Variants in CCDC39 observed in about 807,000 individuals in gnomAD.
CCDC39 encodes the protein coiled-coil domain-containing protein 39.
Under a neutral mutation model 121.0 loss-of-function variants are expected in CCDC39, and 113 were observed. The ratio of observed to expected loss-of-function variants is 0.93; its 90% CI spans 0.80 to 1.09. The LOEUF is 1.09. Among genes scored for constraint, CCDC39 ranks in the 50% least tolerant of loss-of-function variants. The pLI is 0.00. For synonymous variants in CCDC39, 349 were observed against 352.2 expected (o/e 0.99, Z 0.10); for missense variants, 1,063 against 1,074.7 (o/e 0.99, Z 0.15).
intron 12 of CCDC39, among the ~76,000 whole-genome samples, chr3:180,643,852 G>A (rs1011446146): frequency 6.6e-6 from 1 of 152,102 alleles, no homozygotes; most frequent in Non-Finnish European, 1.5e-5. Context: ...TCATGCAATG[G>A]ACTTATAGAA....
At chr3:180,672,902 A>T (rs953697201) in intron 1 of CCDC39, among the ~76,000 whole-genome samples, 7 of 152,244 alleles carry the variant, frequency 4.6e-5, no homozygotes, top group African/African-American at 1.7e-4. Context: ...AAATATTGGT[A>T]TTAATAGGAG....
At chr3:180,658,601 A>G (rs1711647972) in intron 6 of CCDC39, among the ~76,000 whole-genome samples, 1 of 152,102 alleles carries the variant, frequency 6.6e-6, no homozygotes, top group Non-Finnish European at 1.5e-5. Context: ...CGTCTCAAAA[A>G]AAAAAAAGAG....
intron 1 of CCDC39, among the ~76,000 whole-genome samples, chr3:180,665,128 C>G (rs1576951807): frequency 6.6e-6 from 1 of 152,256 alleles, no homozygotes; most frequent in South Asian, 2.1e-4. Flanking sequence ...CCAAGAACTC[C>G]TTTTCAAACC....
At chr3:180,677,055 T>C (rs2108437350) in intron 1 of CCDC39, among the ~76,000 whole-genome samples, 1 of 148,394 alleles carries the variant, frequency 6.7e-6, no homozygotes, top group East Asian at 2.0e-4. Context: ...AAATGATGAG[T>C]TAATGGGTGC....
intron 14 of CCDC39, among the ~76,000 whole-genome samples, chr3:180,629,757 G>A (rs901709445): frequency 6.6e-6 from 1 of 152,158 alleles, no homozygotes; most frequent in East Asian, 1.9e-4. Flanking sequence ...AGAGAAGATG[G>A]AAGATAAGAA....
chr3:180,623,884 T>A (rs746174486), intron 14 of CCDC39, among the ~76,000 whole-genome samples: 8 of 152,048 alleles, frequency 5.3e-5, no homozygotes, highest in African/African-American at 7.2e-5. Flanking sequence ...CATGTGCTTA[T>A]GAAAAGAAGG....
At position 180,619,255 on chromosome 3, in the gene CCDC39, T is replaced by C. The variant is rs1279510920; in HGVS notation, c.2265+4A>G. On this transcript the variant is annotated splice_donor_region_variant and intron_variant, in intron 16 of 19. Transcript: ENST00000476379. The stretch of plus-strand genomic sequence containing the variant: ...ATATTACTAAAAATGCCTGTAGAAT[T>C]TACCTGGATGTCTTCTTGAAGTTCT... 3.5e-6 allele frequency: 5 copies of C among 1,442,174 alleles called. No individual in the cohort carries two copies. Among genetic ancestry groups the C allele is most frequent in the Non-Finnish European group, 4.8e-6 (5 of 1,048,210 alleles). 89.3% of individuals were successfully genotyped at this position (1,442,174 alleles called of 1,614,324 possible).
chr3:180,654,750 G>C lies in CCDC39; in HGVS notation c.930+12C>G, dbSNP rs1401333. 2.0e-3 allele frequency: 3,107 copies of C among 1,575,212 alleles called. 114 individuals carry two copies. The Admixed American group carries it at 0.052, about 26-fold the overall frequency. ...GTGAACATACAAGCCAGTCTTTTTT[G>C]AGTTGACATACCTCACCCTTCAGCT... On this transcript the variant is annotated intron_variant, in intron 7 of 19. Transcript: ENST00000476379.
At chr3:180,641,927 G>T (rs554074290) in intron 13 of CCDC39, 66 bp downstream of exon 13, 2 of 1,130,020 alleles carry the variant, frequency 1.8e-6, no homozygotes, top group South Asian at 3.5e-5. Context: ...GTTAGAGGGG[G>T]CAGCTAGTTC....
intron 6 of CCDC39, among the ~76,000 whole-genome samples, chr3:180,658,883 A>G (rs1209167794): frequency 6.6e-6 from 1 of 152,000 alleles, no homozygotes; most frequent in Non-Finnish European, 1.5e-5. Flanking sequence ...ATTCCCCATT[A>G]TTTCATTCCT....
At chr3:180,670,574 A>G (rs1384370527) in intron 1 of CCDC39, among the ~76,000 whole-genome samples, 2 of 150,586 alleles carry the variant, frequency 1.3e-5, no homozygotes, top group Non-Finnish European at 3.0e-5. Context: ...TTATTCATTT[A>G]CTCTAATTCC....
intron 13 of CCDC39, among the ~76,000 whole-genome samples, chr3:180,634,820 T>C (rs1246052219): frequency 6.6e-6 from 1 of 152,074 alleles, no homozygotes; most frequent in Non-Finnish European, 1.5e-5. Flanking sequence ...CTTCCTAACA[T>C]ATACCCCTGT....
At chr3:180,647,286 A>G in intron 10 of CCDC39, 43 bp from the exon 11 acceptor site, 1 of 1,487,046 alleles carries the variant, frequency 6.7e-7, no homozygotes, top group Non-Finnish European at 9.0e-7. Flanking sequence ...AAGAAAAAAA[A>G]AGCATTTCTA....
At chr3:180,656,731 C>T (rs1047335053) in intron 6 of CCDC39, among the ~76,000 whole-genome samples, 1 of 152,122 alleles carries the variant, frequency 6.6e-6, no homozygotes, top group African/African-American at 2.4e-5. Flanking sequence ...GCTAAAACCC[C>T]CCCTGACCAA....
chr3:180,631,523 A>G lies in CCDC39; in HGVS notation c.1944T>C (p.Val648=). Residue 648 remains valine, a synonymous_variant, in exon 14 of 20, where the codon GTT becomes GTC. Coordinates refer to ENST00000476379, the MANE Select transcript of CCDC39 (RefSeq NM_181426.2). ...LKNRYEILTV[V]MLPPEGEEEK... The stretch of plus-strand genomic sequence containing the variant: ...CCTCTTCTCCTTCAGGAGGCAGCAT[A>G]ACAACAGTCAGAATTTCATATCTAT... The G allele has an allele frequency of 6.2e-7, 1 of 1,608,896 alleles. No individual in the cohort carries two copies. Among genetic ancestry groups the G allele is most frequent in the South Asian group, 1.1e-5 (1 of 91,014 alleles).
intron 1 of CCDC39, among the ~76,000 whole-genome samples, chr3:180,676,819 T>C (rs905980179): frequency 2.2e-5 from 3 of 135,882 alleles, no homozygotes; most frequent in Non-Finnish European, 4.8e-5. Context: ...CCATAAAAAA[T>C]GATGAGTTCA....
chr3:180,652,394 T>C, intron 7 of CCDC39, 128 bp from the exon 8 acceptor site: 1 of 510,168 alleles, frequency 2.0e-6, no homozygotes, highest in Non-Finnish European at 3.4e-6. Context: ...AGTAGCCATT[T>C]TTTTATATTT....
At chr3:180,647,814 T>C (rs6781834) in intron 10 of CCDC39, among the ~76,000 whole-genome samples, 2,999 of 151,292 alleles carry the variant, frequency 0.02, 101 homozygotes, top group African/African-American at 0.069. Context: ...AGCATGGGGG[T>C]GAGGGTGGGG....
chr3:180,674,385 C>A (rs977183758), intron 1 of CCDC39, among the ~76,000 whole-genome samples: 6 of 152,072 alleles, frequency 3.9e-5, no homozygotes, highest in Non-Finnish European at 7.4e-5. Context: ...TGGGCTGAGA[C>A]GATGGGGTTT....
Sources: allele counts gnomAD v4.1 joint callset (sites outside exome capture counted in the v4.1 genomes callset), GRCh38; gene constraint gnomAD v4.1.1; transcripts MANE v1.5; gene names NCBI Gene and HGNC (gene_info 2026-07-23, HGNC 2026-07-21).